The following GTF2E2 variants were observed in gnomAD, a reference collection of about 807,000 sequenced individuals.
GTF2E2 encodes general transcription factor IIE subunit 2.
A neutral mutation model predicts 40.5 loss-of-function variants in GTF2E2; 21 were observed. That is an observed-to-expected ratio of 0.52 (90% CI 0.37 to 0.75). GTF2E2 has a LOEUF of 0.75. GTF2E2 is among the 30% of genes least tolerant of loss of function. The pLI is 0.00. For missense variants in GTF2E2, 298 were observed against 338.4 expected (o/e 0.88, Z 0.94); for synonymous variants, 117 against 121.6 (o/e 0.96, Z 0.25).
intron 6 of GTF2E2, among the ~76,000 whole-genome samples, chr8:30,585,407 G>C (rs575467147): frequency 1.3e-5 from 2 of 152,138 alleles, no homozygotes; most frequent in South Asian, 4.2e-4. Flanking sequence ...TCAGCTACTA[G>C]ACACAAAGTG....
intron 2 of GTF2E2, 106 bp downstream of exon 2, chr8:30,653,327 C>T (rs747577988): frequency 1.3e-6 from 1 of 752,508 alleles, no homozygotes; most frequent in Non-Finnish European, 2.2e-6. Context: ...CAACAAAGTG[C>T]CTATCAACAT....
intron 6 of GTF2E2, among the ~76,000 whole-genome samples, chr8:30,590,588 C>CA (rs1227682574): frequency 9.9e-5 from 15 of 152,098 alleles, no homozygotes; most frequent in African/African-American, 3.6e-4. Flanking sequence ...GAGGAAAAAA[C>CA]AGAGGTAAAT....
rs1421012068 is a variant in GTF2E2 at position 30,612,319 on chromosome 8, T to C, written c.529A>G (p.Asn177Asp). The change falls in exon 5 of 8, where the codon AAT becomes GAT. Residue 177 changes from asparagine to aspartate, a missense_variant. By Grantham distance (23) the Asn-to-Asp change is conservative (BLOSUM62 1). Transcript: ENST00000355904. Reference sequence around the variant, plus strand: ...ATTACCTTGACAGCTTTCTGGGAATTGGGCAGTGCTTCTTCTATGTCTTCT... The same window carrying C: ...ATTACCTTGACAGCTTTCTGGGAATCGGGCAGTGCTTCTTCTATGTCTTCT... ...LLEDIEEALP[N>D]SQKAVKALGD... The C allele has an allele frequency of 6.2e-7, 1 of 1,608,568 alleles. No homozygotes were observed. The highest frequency in any genetic ancestry group is 2.2e-5 in the East Asian group (1 of 44,846).
intron 3 of GTF2E2, among the ~76,000 whole-genome samples, chr8:30,622,354 C>A (rs1801131225): frequency 6.6e-6 from 1 of 151,884 alleles, no homozygotes; most frequent in East Asian, 1.9e-4. Context: ...GCAAAACCAG[C>A]AAGTTTTTAC....
At chr8:30,593,697 C>T (rs1047187601) in intron 6 of GTF2E2, among the ~76,000 whole-genome samples, 6 of 152,008 alleles carry the variant, frequency 3.9e-5, no homozygotes, top group African/African-American at 9.7e-5. Context: ...GGTTTCGCCA[C>T]GTTGCCCAGG....
At position 30,612,589 on chromosome 8, in the gene GTF2E2, T is replaced by C. The variant is rs3779642; in HGVS notation, c.367-108A>G. 0.78 allele frequency: 432,880 copies of C among 554,140 alleles called. 171,017 individuals are homozygous for C. The highest frequency in any genetic ancestry group is 0.93 in the African/African-American group (48,941 of 52,404). 34.3% of individuals were successfully genotyped at this position (554,140 alleles called of 1,614,324 possible). A position where few individuals can be genotyped will look rare whatever the true frequency, so the allele number is the denominator to read the frequency against. ...TCGCCCAGGCTGGAGTGCAGTGGCG[T>C]GATCTCAGCTCACTGCAACCTCCGC... is the stretch of plus-strand genomic sequence containing the variant. On this transcript the variant is annotated intron_variant, in intron 4 of 7. Coordinates refer to ENST00000355904, the MANE Select transcript of GTF2E2 (RefSeq NM_002095.6).
At chr8:30,597,463 T>C (rs1829044131) in intron 6 of GTF2E2, 2 of 152,328 alleles carry the variant, frequency 1.3e-5, no homozygotes, top group Admixed American at 1.3e-4. Context: ...ACTCCCCCTG[T>C]GTCTGCAGCC....
chr8:30,616,137 CA>C (rs1219280060), intron 3 of GTF2E2, among the ~76,000 whole-genome samples: 1 of 152,094 alleles, frequency 6.6e-6, no homozygotes, highest in East Asian at 1.9e-4. Context: ...ACCATGGAGA[CA>C]ATAAAAAGTT....
At chr8:30,655,442 T>C (rs528563211) in intron 1 of GTF2E2, among the ~76,000 whole-genome samples, 18 of 152,310 alleles carry the variant, frequency 1.2e-4, no homozygotes, top group African/African-American at 4.3e-4. Context: ...TTGACACTGT[T>C]AAGACTAGTG....
At chr8:30,651,378 C>T (rs938311162) in intron 2 of GTF2E2, among the ~76,000 whole-genome samples, 3 of 151,590 alleles carry the variant, frequency 2.0e-5, no homozygotes, top group African/African-American at 7.3e-5. Context: ...TTAAAAAAAA[C>T]TCTTGTTTCT....
chr8:30,624,687 T>C (rs1164406146), intron 3 of GTF2E2, among the ~76,000 whole-genome samples: 7 of 152,058 alleles, frequency 4.6e-5, no homozygotes, highest in Non-Finnish European at 1.0e-4. Flanking sequence ...TTTTATTTCA[T>C]TGAGCAGTGG....
intron 3 of GTF2E2, among the ~76,000 whole-genome samples, chr8:30,633,314 AAAAAT>A (rs1199599827): frequency 2.6e-5 from 4 of 152,200 alleles, no homozygotes; most frequent in Non-Finnish European, 5.9e-5. Context: ...TATTCAAAGA[AAAAAT>A]AATTAAAATT....
intron 3 of GTF2E2, among the ~76,000 whole-genome samples, chr8:30,632,101 AC>A (rs1472409446): frequency 6.6e-6 from 1 of 152,128 alleles, no homozygotes; most frequent in African/African-American, 2.4e-5. Flanking sequence ...CAGAGTTAAG[AC>A]CCTGTCTCAA....
At chr8:30,601,209 A>G (rs2151119564) in intron 6 of GTF2E2, among the ~76,000 whole-genome samples, 1 of 152,322 alleles carries the variant, frequency 6.6e-6, no homozygotes, top group Admixed American at 6.5e-5. Context: ...AAACAGCTGA[A>G]CTATGCTTCC....
Position 30,592,816 on chromosome 8 carries a change from T to C in GTF2E2, c.644-12420A>G, listed in dbSNP as rs549297243. 3.7e-3 allele frequency among the ~76,000 whole-genome samples: 557 copies of C among 152,368 alleles called. 8 individuals are homozygous for C. Among genetic ancestry groups the C allele is most frequent in the South Asian group, 9.9e-3 (48 of 4,828 alleles). ...AGAACCAAAAGACATGGAGGGCCAATGATACTTTCAATTCTTTCAAATACA... is the reference window on the plus strand; with the variant it reads ...AGAACCAAAAGACATGGAGGGCCAACGATACTTTCAATTCTTTCAAATACA... On this transcript the variant is annotated intron_variant, in intron 6 of 7. Transcript: ENST00000355904.
At chr8:30,646,000 G>A (rs993620103) in intron 2 of GTF2E2, 1 of 156,772 alleles carries the variant, frequency 6.4e-6, no homozygotes, top group Non-Finnish European at 1.4e-5. Flanking sequence ...ATGTTTCTAA[G>A]TCTGAAGTAA....
intron 2 of GTF2E2, among the ~76,000 whole-genome samples, chr8:30,641,947 T>A (rs142084075): frequency 6.6e-6 from 1 of 152,186 alleles, no homozygotes; most frequent in African/African-American, 2.4e-5. Context: ...GGTGAAGGCA[T>A]AGGCCACAGC....
intron 3 of GTF2E2, among the ~76,000 whole-genome samples, chr8:30,632,821 C>T (rs1801481195): frequency 6.6e-6 from 1 of 152,124 alleles, no homozygotes; most frequent in Non-Finnish European, 1.5e-5. Context: ...CTAATGGATG[C>T]TTGATGATAA....
chr8:30,631,012 A>C (rs542932567), intron 3 of GTF2E2, among the ~76,000 whole-genome samples: 1 of 152,258 alleles, frequency 6.6e-6, no homozygotes, highest in Non-Finnish European at 1.5e-5. Flanking sequence ...GATAAAAAGA[A>C]ATATTTTTTT....
Sources: allele counts gnomAD v4.1 joint callset (sites outside exome capture counted in the v4.1 genomes callset), GRCh38; gene constraint gnomAD v4.1.1; transcripts MANE v1.5; gene names NCBI Gene and HGNC (gene_info 2026-07-23, HGNC 2026-07-21).